INTS8: variants seen among roughly 807,000 people sequenced by gnomAD.
INTS8 encodes the protein integrator complex subunit 8, also known as protein kaonashi-1.
In INTS8, 47 loss-of-function variants were observed where a neutral mutation model predicts 138.9. That is an observed-to-expected ratio of 0.34 (90% CI 0.27 to 0.43). INTS8 has a LOEUF of 0.43. INTS8 is among the 20% of genes least tolerant of loss of function. The probability of loss-of-function intolerance (pLI) is 1.00; values close to 1 mark genes in which losing one functional copy is unlikely to be tolerated. For missense variants in INTS8, 996 were observed against 1,173.0 expected (o/e 0.85, Z 2.20); for synonymous variants, 392 against 400.9 (o/e 0.98, Z 0.27).
rs1382779707 is a variant in INTS8, at chr8:94,859,950, T to TGG, written c.2076+319_2076+320dup. On this transcript the variant is annotated intron_variant, in intron 16 of 26. Transcript: ENST00000523731. ...TGCTCTAATCACACTCTAGAACTGA[T>TGG]GGAGTCCGTCAGGGATGCACTTCTC... The TGG allele has an allele frequency of 2.5e-5, 5 of 202,754 alleles. 1 individual carries two copies. The highest frequency in any genetic ancestry group is 2.2e-4 in the Admixed American group (4 of 18,400). 12.6% of individuals were successfully genotyped at this position (202,754 alleles called of 1,614,324 possible).
chr8:94,851,382 CTG>C (rs762924583), intron 12 of INTS8, among the ~76,000 whole-genome samples, 169 bp from the exon 13 acceptor site: 7 of 151,844 alleles, frequency 4.6e-5, no homozygotes, highest in Admixed American at 6.6e-5. Flanking sequence ...GTTAGGTTTT[CTG>C]TGTGAGGATA....
chr8:94,864,414 A>C (rs1011221289), intron 16 of INTS8, among the ~76,000 whole-genome samples: 1 of 152,192 alleles, frequency 6.6e-6, no homozygotes, highest in Non-Finnish European at 1.5e-5. Context: ...AAAGGGGCCC[A>C]GTTCTGAATT....
At chr8:94,860,591 A>AAC (rs1563662455) in intron 16 of INTS8, among the ~76,000 whole-genome samples, 1 of 150,536 alleles carries the variant, frequency 6.6e-6, no homozygotes, top group African/African-American at 2.4e-5. Flanking sequence ...AAAAAAAAAA[A>AAC]AAAAAAAAAA....
At chr8:94,825,704 A>C (rs557002986) in intron 2 of INTS8, among the ~76,000 whole-genome samples, 3 of 152,192 alleles carry the variant, frequency 2.0e-5, no homozygotes, top group Non-Finnish European at 4.4e-5. Flanking sequence ...ATTTGCTTAA[A>C]TATAAATAAT....
chr8:94,878,474 A>G (rs986268924), intron 26 of INTS8, among the ~76,000 whole-genome samples: 1 of 152,196 alleles, frequency 6.6e-6, no homozygotes, highest in East Asian at 1.9e-4. Flanking sequence ...CTGCCTTTAA[A>G]ATAATCTACA....
intron 4 of INTS8, among the ~76,000 whole-genome samples, chr8:94,828,545 A>C (rs1235757691): frequency 1.3e-5 from 2 of 152,198 alleles, no homozygotes; most frequent in Non-Finnish European, 2.9e-5. Flanking sequence ...TCCACATGGC[A>C]GCCTAGCCAA....
In INTS8 at chr8:94,853,881, T is replaced by G; in HGVS notation, c.1718T>G (p.Leu573Arg). The change falls in exon 14 of 27, where the codon CTT becomes CGT. Residue 573 changes from leucine (L) to arginine (R), a missense_variant. Transcript: ENST00000523731. ...DNLTRDLVYI[L>R]MAKGLHCSTV... is the part of the protein sequence containing the mutation. ...TTAACAAGAGATTTGGTTTATATTCTTATGGCCAAAGGTTTGCACTGCAGT... is the reference window on the plus strand; with the variant it reads ...TTAACAAGAGATTTGGTTTATATTCGTATGGCCAAAGGTTTGCACTGCAGT... 1 of 1,608,624 alleles carries G rather than the reference T, an allele frequency of 6.2e-7. No homozygotes were observed. The highest frequency in any genetic ancestry group is 1.3e-5 in the African/African-American group (1 of 74,934).
chr8:94,845,091 A>G (rs1283091373), intron 10 of INTS8, among the ~76,000 whole-genome samples: 6 of 152,100 alleles, frequency 3.9e-5, no homozygotes, highest in South Asian at 4.1e-4. Flanking sequence ...CCTAAATTTA[A>G]TATCAAATTT....
At chr8:94,831,552 G>A (rs1814716415) in intron 5 of INTS8, among the ~76,000 whole-genome samples, 1 of 149,980 alleles carries the variant, frequency 6.7e-6, no homozygotes, top group Non-Finnish European at 1.5e-5. Context: ...CACGATCTTG[G>A]CTCACTGCGA....
chr8:94,876,106 T>C lies in INTS8; in HGVS notation c.2721T>C (p.Ile907=). 1 of 1,611,080 alleles carries C rather than the reference T, an allele frequency of 6.2e-7. No homozygotes were observed. Residue 907 remains isoleucine, a synonymous_variant, in exon 24 of 27, where the codon ATT becomes ATC. Coordinates refer to ENST00000523731, the MANE Select transcript of INTS8 (RefSeq NM_017864.4). ...VAILCQFLRE[I]DYKTAFKSLQ... Reference sequence around the variant, plus strand: ...TTTTATGTCAGTTCCTCAGAGAAATTGACTACAAAACAGCGTTTAAATCTC... The same window carrying C: ...TTTTATGTCAGTTCCTCAGAGAAATCGACTACAAAACAGCGTTTAAATCTC...
intron 20 of INTS8, among the ~76,000 whole-genome samples, chr8:94,870,995 T>C (rs1816375676): frequency 6.6e-6 from 1 of 152,116 alleles, no homozygotes; most frequent in Admixed American, 6.5e-5. Flanking sequence ...GGCTGCCAGA[T>C]GCACTGATAT....
intron 14 of INTS8, among the ~76,000 whole-genome samples, chr8:94,855,493 GAA>G (rs1815712541): frequency 6.6e-6 from 1 of 152,158 alleles, no homozygotes; most frequent in South Asian, 2.1e-4. Flanking sequence ...GTAAGCCATT[GAA>G]AAGTTTTAAT....
chr8:94,853,340 A>C (rs1815621594), intron 13 of INTS8, among the ~76,000 whole-genome samples: 1 of 152,132 alleles, frequency 6.6e-6, no homozygotes, highest in South Asian at 2.1e-4. Flanking sequence ...AAAAATTTTT[A>C]AGATGAACAA....
chr8:94,864,118 T>C (rs1816091737), intron 16 of INTS8, among the ~76,000 whole-genome samples: 2 of 152,216 alleles, frequency 1.3e-5, no homozygotes, highest in South Asian at 2.1e-4. Context: ...TATGTAGATA[T>C]ATAAAGCAAA....
chr8:94,856,388 C>T (rs1288216463), intron 14 of INTS8, among the ~76,000 whole-genome samples: 4 of 152,056 alleles, frequency 2.6e-5, no homozygotes, highest in South Asian at 4.2e-4. Flanking sequence ...TCGTCTAGTA[C>T]GGTGGTGTGC....
At chr8:94,861,090 G>A (rs967248474) in intron 16 of INTS8, among the ~76,000 whole-genome samples, 6 of 150,064 alleles carry the variant, frequency 4.0e-5, no homozygotes, top group Non-Finnish European at 1.5e-5. Flanking sequence ...TTAAATCTGT[G>A]TTTTTCTGGG....
At chr8:94,861,414 G>A (rs1187863622) in intron 16 of INTS8, among the ~76,000 whole-genome samples, 8 of 147,748 alleles carry the variant, frequency 5.4e-5, no homozygotes, top group South Asian at 4.3e-4. Context: ...GGCGCCCACT[G>A]CCATGCCCGG....
rs1223139654 is a variant in INTS8 at position 94,841,497 on chromosome 8, A to G, written c.1024A>G (p.Ile342Val). ...CLRSGNYQEV[I>V]QIFIEDNLTL... ...CTTTATGTGTGTGTTCTAGGAGGTA[A>G]TACAGATTTTCATTGAAGACAACTT... The change falls in exon 9 of 27, where the codon ATA becomes GTA. Residue 342 changes from isoleucine to valine, a missense_variant. Coordinates refer to ENST00000523731, the MANE Select transcript of INTS8 (RefSeq NM_017864.4). 1 of 1,574,144 alleles carries G rather than the reference A, an allele frequency of 6.4e-7. No individual in the cohort carries two copies. The highest frequency in any genetic ancestry group is 2.2e-5 in the East Asian group (1 of 44,458).
intron 1 of INTS8, 127 bp from the exon 2 acceptor site, chr8:94,824,766 C>CAA (rs201131859): frequency 2.9e-4 from 96 of 334,670 alleles, no homozygotes; most frequent in African/African-American, 5.8e-4. Flanking sequence ...CCTTTTGTGG[C>CAA]AAAAAAAAAA....
Sources: gnomAD v4.1 joint callset for allele counts (sites outside exome capture counted in the v4.1 genomes callset) on GRCh38, gnomAD v4.1.1 for gene constraint, MANE v1.5 for transcripts, NCBI Gene and HGNC (gene_info 2026-07-23, HGNC 2026-07-21) for gene names.